The following ESR2 variants were observed in gnomAD, a reference collection of about 807,000 sequenced individuals.
The protein encoded by ESR2 is estrogen receptor beta.
In ESR2, 36 loss-of-function variants were observed where a neutral mutation model predicts 49.6. The observed-to-expected ratio is 0.73, with a 90% CI of 0.56 to 0.96. The LOEUF is 0.96. Ranked by LOEUF, ESR2 falls within the 40% of genes least tolerant of loss-of-function variation. The pLI, the probability that ESR2 is intolerant of heterozygous loss-of-function variation, is 0.00. For synonymous variants in ESR2, 320 were observed against 266.1 expected (o/e 1.20, Z -1.97); for missense variants, 714 against 693.0 (o/e 1.03, Z -0.34).
chr14:64,249,534 G>A lies in ESR2; in HGVS notation c.1225+12C>T, dbSNP rs1269427787. Reference sequence around the variant, plus strand: ...CCCCGATAAAACATGGCCCAGCTGTGTGATTACTTACTGGAATTGAGCAGG... The same window carrying A: ...CCCCGATAAAACATGGCCCAGCTGTATGATTACTTACTGGAATTGAGCAGG... On this transcript the variant is annotated intron_variant, in intron 7 of 8. Transcript: ENST00000341099. 6.2e-7 allele frequency: 1 copy of A among 1,613,014 alleles called. No individual in the cohort carries two copies. The highest frequency in any genetic ancestry group is 2.2e-5 in the East Asian group (1 of 44,824).
Position 64,234,981 on chromosome 14 carries a change from G to C in ESR2, c.1395C>G (p.Val465=). ...LANLLMLLSH[V]RHASNKGMEH... ...CTTAGGGCGCGTACCTCGCATGCCT[G>C]ACGTGGGACAGGAGCATCAGGAGGT... Residue 465 remains valine (V), a synonymous_variant, in exon 8 of 9, where the codon GTC becomes GTG. Transcript: ENST00000341099. The C allele has an allele frequency of 6.2e-7, 1 of 1,614,130 alleles. No individual in the cohort carries two copies. The highest frequency in any genetic ancestry group is 8.5e-7 in the Non-Finnish European group (1 of 1,179,982).
chr14:64,245,952 T>C (rs567247091), intron 7 of ESR2, among the ~76,000 whole-genome samples: 1 of 152,334 alleles, frequency 6.6e-6, no homozygotes, highest in South Asian at 2.1e-4. Context: ...AGATCCTCCC[T>C]TTGACAGAAA....
intron 1 of ESR2, among the ~76,000 whole-genome samples, chr14:64,307,658 C>G (rs1221450351): frequency 6.6e-6 from 1 of 152,206 alleles, no homozygotes; most frequent in Non-Finnish European, 1.5e-5. Context: ...CCTCAGCCTC[C>G]TGAGTAGGTG....
Position 64,260,720 on chromosome 14 carries a change from G to A in ESR2, c.681C>T (p.Arg227=), listed in dbSNP as rs775430518. 1.9e-5 allele frequency: 29 copies of A among 1,522,526 alleles called. No individual in the cohort carries two copies. The highest frequency in any genetic ancestry group is 2.6e-5 in the Non-Finnish European group (29 of 1,132,140). 94.3% of individuals were successfully genotyped at this position (1,522,526 alleles called of 1,614,324 possible). ...CGGCACTTCTCTGTCTCCGCACAAG[G>A]CGGTACCCACATCTCTCTCTCCGGG... is the stretch of plus-strand genomic sequence containing the variant. ...CGSRRERCGY[R]LVRRQRSADE... The change falls in exon 5 of 9, where the codon CGC becomes CGT. Residue 227 remains arginine (R), a synonymous_variant. Coordinates refer to ENST00000341099, the MANE Select transcript of ESR2 (RefSeq NM_001437.3).
At position 64,232,209 on chromosome 14, in the gene ESR2, T is replaced by G. The variant is rs192959676; in HGVS notation, c.*928A>C. 16 of 152,336 alleles carry G rather than the reference T, an allele frequency of 1.1e-4. No individual in the cohort carries two copies. Among genetic ancestry groups the G allele is most frequent in the Non-Finnish European group, 2.1e-4 (14 of 68,042 alleles). 9.4% of individuals were successfully genotyped at this position (152,336 alleles called of 1,614,324 possible). ...AGTATCCCTGACTACTTGTGGTGACTGATGGGGCAATTGTGGCTGCTACTT... is the reference window on the plus strand; with the variant it reads ...AGTATCCCTGACTACTTGTGGTGACGGATGGGGCAATTGTGGCTGCTACTT... On this transcript the variant is annotated 3_prime_UTR_variant, in exon 9 of 9. Transcript: ENST00000341099.
chr14:64,279,912 G>A (rs1321941079), intron 3 of ESR2, 69 bp downstream of exon 3: 14 of 1,329,972 alleles, frequency 1.1e-5, no homozygotes, highest in Non-Finnish European at 1.5e-5. Flanking sequence ...TTTCTGCCAA[G>A]TCATCTCTGC....
At chr14:64,241,305 T>C (rs1417854293) in intron 7 of ESR2, among the ~76,000 whole-genome samples, 1 of 152,242 alleles carries the variant, frequency 6.6e-6, no homozygotes, top group Non-Finnish European at 1.5e-5. Context: ...TGTAGTTGTA[T>C]AGATTATTTC....
intron 6 of ESR2, among the ~76,000 whole-genome samples, chr14:64,250,111 C>T (rs551231302): frequency 1.3e-5 from 2 of 152,276 alleles, no homozygotes; most frequent in African/African-American, 4.8e-5. Flanking sequence ...TGAGGAAGAC[C>T]GTGTGTCACA....
chr14:64,257,391 A>G, intron 5 of ESR2, 27 bp from the exon 6 acceptor site: 2 of 1,611,420 alleles, frequency 1.2e-6, no homozygotes, highest in South Asian at 1.1e-5. Context: ...GCGGTGAGAC[A>G]CCCCCACCCC....
chr14:64,251,625 C>T (rs927556130), intron 6 of ESR2, among the ~76,000 whole-genome samples: 6 of 152,144 alleles, frequency 3.9e-5, no homozygotes, highest in African/African-American at 1.4e-4. Flanking sequence ...ATTTTAAACC[C>T]TGATAAAGGC....
intron 1 of ESR2, among the ~76,000 whole-genome samples, chr14:64,310,240 T>C (rs1394687226): frequency 6.6e-6 from 1 of 150,728 alleles, no homozygotes; most frequent in Non-Finnish European, 1.5e-5. Context: ...GCCACTGCAT[T>C]CCAGCCTGGG....
intron 1 of ESR2, chr14:64,329,663 T>C (rs2077431219): frequency 6.6e-6 from 1 of 152,042 alleles, no homozygotes; most frequent in African/African-American, 2.4e-5. Context: ...TGAAAACTTG[T>C]ATCATACATA....
rs780304063 is a variant in ESR2 at position 64,260,567 on chromosome 14, G to A, written c.834C>T (p.Pro278=). ...LVLTLLEAEP[P]HVLISRPSAP... Reference sequence around the variant, plus strand: ...CACTGGGGCGGCTGATCAGCACATGGGGCGGCTCAGCCTCCAGGAGGGTGA... The same window carrying A: ...CACTGGGGCGGCTGATCAGCACATGAGGCGGCTCAGCCTCCAGGAGGGTGA... Residue 278 remains proline, a synonymous_variant, in exon 5 of 9, where the codon CCC becomes CCT. Coordinates refer to ENST00000341099, the MANE Select transcript of ESR2 (RefSeq NM_001437.3). 28 of 1,600,208 alleles carry A rather than the reference G, an allele frequency of 1.7e-5. No homozygotes were observed. The highest frequency in any genetic ancestry group is 1.7e-4 in the Middle Eastern group (1 of 6,020).
At chr14:64,264,876 CAA>C (rs5809224) in intron 4 of ESR2, among the ~76,000 whole-genome samples, 62 of 119,294 alleles carry the variant, frequency 5.2e-4, no homozygotes, top group Admixed American at 5.3e-4. Context: ...TACCCTGTCT[CAA>C]AAAAAAAAAA....
intron 1 of ESR2, among the ~76,000 whole-genome samples, chr14:64,285,493 T>A (rs1161690915): frequency 6.6e-6 from 1 of 152,116 alleles, no homozygotes; most frequent in Non-Finnish European, 1.5e-5. Context: ...AACCTAATCC[T>A]GCTTATCAGA....
At chr14:64,305,835 A>G (rs1596477953) in intron 1 of ESR2, among the ~76,000 whole-genome samples, 1 of 152,146 alleles carries the variant, frequency 6.6e-6, no homozygotes, top group Non-Finnish European at 1.5e-5. Context: ...ATTTAACACT[A>G]CCAAATGTTC....
chr14:64,331,888 T>C (rs1018134728), intron 1 of ESR2, among the ~76,000 whole-genome samples: 18 of 151,734 alleles, frequency 1.2e-4, no homozygotes, highest in Non-Finnish European at 2.5e-4. Context: ...TCTCTCCCTT[T>C]TCCAACACTG....
intron 1 of ESR2, among the ~76,000 whole-genome samples, chr14:64,289,959 A>G (rs2076844914): frequency 6.6e-6 from 1 of 152,242 alleles, no homozygotes; most frequent in Admixed American, 6.5e-5. Context: ...GCAGAAGTAA[A>G]AAATTCACGC....
intron 7 of ESR2, among the ~76,000 whole-genome samples, chr14:64,238,715 A>C (rs2075658182): frequency 6.6e-6 from 1 of 152,088 alleles, no homozygotes; most frequent in Non-Finnish European, 1.5e-5. Flanking sequence ...ACTGTAAAAC[A>C]AAATTAAATT....
Sources: gnomAD v4.1 joint callset for allele counts (sites outside exome capture counted in the v4.1 genomes callset) on GRCh38, gnomAD v4.1.1 for gene constraint, MANE v1.5 for transcripts, NCBI Gene and HGNC (gene_info 2026-07-23, HGNC 2026-07-21) for gene names.